The following PTBP3 variants were observed in gnomAD, a reference collection of about 807,000 sequenced individuals.
PTBP3 encodes polypyrimidine tract-binding protein 3.
In PTBP3, 20 loss-of-function variants were observed where a neutral mutation model predicts 58.7. The ratio of observed to expected loss-of-function variants is 0.34; its 90% CI spans 0.24 to 0.50. The LOEUF (loss-of-function observed/expected upper bound fraction) is 0.50. PTBP3 is among the 20% of genes least tolerant of loss of function. The probability of loss-of-function intolerance (pLI) is 0.98; values close to 1 mark genes in which losing one functional copy is unlikely to be tolerated. For synonymous variants in PTBP3, 185 were observed against 219.8 expected, an observed-to-expected ratio of 0.84 and a Z score of 1.40; for missense variants, 509 against 637.2, an observed-to-expected ratio of 0.80 and a Z score of 2.17.
At chr9:112,330,731 A>C (rs1830336167) in intron 1 of PTBP3, among the ~76,000 whole-genome samples, 2 of 152,220 alleles carry the variant, frequency 1.3e-5, no homozygotes, top group South Asian at 4.1e-4. Context: ...AAGTATAGTC[A>C]AACTTCAATA....
At chr9:112,335,835 GA>G (rs1318254608), upstream of PTBP3, among the ~76,000 whole-genome samples, 1 of 147,986 alleles carries the variant, frequency 6.8e-6, no homozygotes, top group Non-Finnish European at 1.5e-5. Context: ...TGAGACAGGA[GA>G]ATCTCAACCC....
the PTBP3 span, among the ~76,000 whole-genome samples, chr9:112,367,550 T>G: frequency 2.0e-5 from 3 of 152,202 alleles, no homozygotes; most frequent in African/African-American, 7.2e-5. Flanking sequence ...AGGTATAGTA[T>G]TCTTAGTCAG....
At chr9:112,260,613 G>C (rs541216797) in intron 5 of PTBP3, among the ~76,000 whole-genome samples, 13 of 152,262 alleles carry the variant, frequency 8.5e-5, no homozygotes, top group Admixed American at 2.6e-4. Context: ...AATGGACTAA[G>C]GACAGAACTA....
chr9:112,313,176 C>T lies in PTBP3; in HGVS notation c.-51-15260G>A, dbSNP rs146169159. 2.6e-3 allele frequency among the ~76,000 whole-genome samples: 390 copies of T among 151,644 alleles called. 1 individual carries two copies. Among genetic ancestry groups the T allele is most frequent in the African/African-American group, 8.9e-3 (368 of 41,258 alleles). On this transcript the variant is annotated intron_variant, in intron 1 of 13. Coordinates refer to ENST00000374257, the MANE Select transcript of PTBP3 (RefSeq NM_001163788.4). Reference sequence around the variant, plus strand: ...GTAATTTACAACAAAAAAGTACTTGCACTTACATAATCTTACTCTGACATT... The same window carrying T: ...GTAATTTACAACAAAAAAGTACTTGTACTTACATAATCTTACTCTGACATT...
chr9:112,242,982 T>A (rs1394230158), intron 7 of PTBP3: 1 of 152,234 alleles, frequency 6.6e-6, no homozygotes, highest in East Asian at 1.9e-4. Flanking sequence ...CCCTAGTGGA[T>A]TAGATTGGCA....
At chr9:112,356,686 C>T in the PTBP3 span, among the ~76,000 whole-genome samples, 1 of 151,678 alleles carries the variant, frequency 6.6e-6, no homozygotes, top group South Asian at 2.1e-4. Flanking sequence ...TTCTAGAATT[C>T]CAGGTATCTA....
At chr9:112,289,581 G>C (rs915236729) in intron 2 of PTBP3, among the ~76,000 whole-genome samples, 2 of 152,114 alleles carry the variant, frequency 1.3e-5, no homozygotes, top group African/African-American at 2.4e-5. Flanking sequence ...AGAAGTTTGA[G>C]GCCATCCTGG....
chr9:112,242,395 A>T (rs989700766), intron 7 of PTBP3, among the ~76,000 whole-genome samples: 2 of 70,598 alleles, frequency 2.8e-5, no homozygotes, highest in Non-Finnish European at 5.0e-5. Flanking sequence ...TCTTTCAAGC[A>T]GCGGAGCACT....
chr9:112,242,118 T>A (rs1270462036), intron 7 of PTBP3, among the ~76,000 whole-genome samples: 2 of 152,132 alleles, frequency 1.3e-5, no homozygotes, highest in African/African-American at 4.8e-5. Flanking sequence ...TAAATCACAT[T>A]TTAATTAATT....
chr9:112,254,174 T>C (rs897567939), intron 5 of PTBP3, among the ~76,000 whole-genome samples: 1 of 152,066 alleles, frequency 6.6e-6, no homozygotes, highest in Non-Finnish European at 1.5e-5. Context: ...TTTATAGAGA[T>C]GAGGTCTCAC....
intron 7 of PTBP3, among the ~76,000 whole-genome samples, chr9:112,247,935 T>C (rs1486031422): frequency 2.0e-5 from 3 of 152,152 alleles, no homozygotes; most frequent in Admixed American, 1.3e-4. Flanking sequence ...GTATATATTA[T>C]ATATGTATAT....
chr9:112,358,554 A>G, the PTBP3 span, among the ~76,000 whole-genome samples: 3 of 152,252 alleles, frequency 2.0e-5, no homozygotes, highest in African/African-American at 7.2e-5. Flanking sequence ...CTAGAAATGT[A>G]TTCTATGGAG....
chr9:112,320,291 A>AAAAAAAAATATATAT (rs1411646280), intron 1 of PTBP3, among the ~76,000 whole-genome samples: 1 of 73,568 alleles, frequency 1.4e-5, no homozygotes, highest in African/African-American at 9.0e-5. Flanking sequence ...AAAAAAAAAA[A>AAAAAAAAATATATAT]ATATATATAT....
intron 7 of PTBP3, among the ~76,000 whole-genome samples, chr9:112,243,607 T>C (rs1232808272): frequency 3.9e-5 from 6 of 152,180 alleles, no homozygotes; most frequent in Non-Finnish European, 8.8e-5. Context: ...GTAGATGATA[T>C]GACTATGTGT....
At chr9:112,338,658 A>C (rs1315574291), upstream of PTBP3, among the ~76,000 whole-genome samples, 1 of 152,250 alleles carries the variant, frequency 6.6e-6, no homozygotes, top group African/African-American at 2.4e-5. Context: ...CAGCTGACAC[A>C]CACTGACTCT....
At chr9:112,242,975 T>C (rs1589813982) in intron 7 of PTBP3, 1 of 152,224 alleles carries the variant, frequency 6.6e-6, no homozygotes. Context: ...TCCCTTTCCC[T>C]AGTGGATTAG....
At chr9:112,316,246 A>G (rs1045539430) in intron 1 of PTBP3, among the ~76,000 whole-genome samples, 1 of 152,204 alleles carries the variant, frequency 6.6e-6, no homozygotes, top group East Asian at 1.9e-4. Context: ...GGTTGCACCT[A>G]GAGACTCGCT....
At chr9:112,345,170 G>T in the PTBP3 span, among the ~76,000 whole-genome samples, 1 of 151,512 alleles carries the variant, frequency 6.6e-6, no homozygotes, top group Non-Finnish European at 1.5e-5. Flanking sequence ...TGGTTAAAAT[G>T]GTAAACTTAA....
intron 2 of PTBP3, among the ~76,000 whole-genome samples, chr9:112,283,030 G>C (rs978277875): frequency 6.6e-6 from 1 of 152,158 alleles, no homozygotes. Context: ...TGTGAGACTT[G>C]CCTGCTTCCC....
Sources: gnomAD v4.1 joint callset for allele counts (sites outside exome capture counted in the v4.1 genomes callset) on GRCh38, gnomAD v4.1.1 for gene constraint, MANE v1.5 for transcripts, NCBI Gene and HGNC (gene_info 2026-07-23, HGNC 2026-07-21) for gene names.